The following DSCAML1 variants were observed in gnomAD, a reference collection of about 807,000 sequenced individuals.
DSCAML1 encodes cell adhesion molecule DSCAML1.
A neutral mutation model predicts 200.5 loss-of-function variants in DSCAML1; 38 were observed. The ratio of observed to expected loss-of-function variants is 0.19; its 90% CI spans 0.15 to 0.25. The LOEUF (loss-of-function observed/expected upper bound fraction) is 0.25, where lower values mean the gene tolerates loss of function less well. Ranked by LOEUF, DSCAML1 falls within the 10% of genes least tolerant of loss-of-function variation. The probability of loss-of-function intolerance (pLI) is 1.00; values close to 1 mark genes in which losing one functional copy is unlikely to be tolerated. For synonymous variants in DSCAML1, 1,215 were observed against 1,165.0 expected (o/e 1.04, Z -0.87); for missense variants, 2,223 against 2,858.8 (o/e 0.78, Z 5.07).
intron 3 of DSCAML1, among the ~76,000 whole-genome samples, chr11:117,663,454 C>A (rs1166993982): frequency 1.3e-5 from 2 of 152,054 alleles, no homozygotes; most frequent in Non-Finnish European, 2.9e-5. Context: ...AGCTCTTCCA[C>A]GTGCTGGACT....
intron 3 of DSCAML1, among the ~76,000 whole-genome samples, chr11:117,736,071 A>T (rs1444161516): frequency 6.6e-6 from 1 of 152,152 alleles, no homozygotes; most frequent in Non-Finnish European, 1.5e-5. Flanking sequence ...ACTGCTGCAA[A>T]ACAAATCACC....
intron 3 of DSCAML1, among the ~76,000 whole-genome samples, chr11:117,753,972 C>A (rs2054643788): frequency 1.3e-5 from 2 of 152,166 alleles, no homozygotes; most frequent in South Asian, 4.1e-4. Context: ...AAAGGAGAGT[C>A]TTGGGCCTTA....
intron 3 of DSCAML1, among the ~76,000 whole-genome samples, chr11:117,577,437 TTTCCTTCCTTCCTTCCTTCCTTTCCTTCC>T (rs1449283260): frequency 2.7e-5 from 2 of 73,904 alleles, no homozygotes; most frequent in African/African-American, 4.0e-5. Context: ...TCCTTCCTTC[TTTCCTTCCTTCCTTCCTTCCTTTCCTTCC>T]TTCCTTCCTT....
chr11:117,724,890 G>A (rs2054098417), intron 3 of DSCAML1, among the ~76,000 whole-genome samples: 1 of 152,190 alleles, frequency 6.6e-6, no homozygotes, highest in South Asian at 2.1e-4. Context: ...TGGGGGAAAG[G>A]CCTAGAAGTG....
intron 3 of DSCAML1, among the ~76,000 whole-genome samples, chr11:117,686,634 G>A (rs897363095): frequency 6.6e-6 from 1 of 152,172 alleles, no homozygotes; most frequent in Non-Finnish European, 1.5e-5. Flanking sequence ...AAATGACTAC[G>A]GCACCTTCAA....
intron 5 of DSCAML1, among the ~76,000 whole-genome samples, chr11:117,522,141 C>T (rs1458515138): frequency 2.6e-5 from 4 of 152,242 alleles, no homozygotes; most frequent in Admixed American, 2.6e-4. Context: ...TGTTTCTGGC[C>T]CCAGGGCCTC....
chr11:117,635,046 T>C (rs2052249539), intron 3 of DSCAML1, among the ~76,000 whole-genome samples: 1 of 152,164 alleles, frequency 6.6e-6, no homozygotes. Flanking sequence ...CCATGATAGG[T>C]CGCACAACAG....
rs547635504 is a variant in DSCAML1, at chr11:117,503,826, G to A, written c.2359+19C>T. On this transcript the variant is annotated intron_variant, in intron 11 of 32. Transcript: ENST00000651296. The surrounding 1 kb of genome is among the most constrained non-coding windows in gnomAD (Gnocchi z 5.2). Reference sequence around the variant, plus strand: ...CTGTGATTTGGGGGTGCTAGGGGGCGTGTGGGGACAGGACTCACTCTTGAC... The same window carrying A: ...CTGTGATTTGGGGGTGCTAGGGGGCATGTGGGGACAGGACTCACTCTTGAC... 86 of 1,609,972 alleles carry A rather than the reference G, an allele frequency of 5.3e-5. 1 individual carries two copies. Among genetic ancestry groups the A allele is most frequent in the South Asian group, 7.7e-5 (7 of 90,326 alleles).
intron 3 of DSCAML1, among the ~76,000 whole-genome samples, chr11:117,677,086 A>G (rs983565928): frequency 6.6e-6 from 1 of 152,220 alleles, no homozygotes; most frequent in Admixed American, 6.5e-5. Context: ...AGTAAGTCCA[A>G]GTCTTAGGTT....
chr11:117,517,029 C>A (rs2049784605), intron 7 of DSCAML1, among the ~76,000 whole-genome samples: 1 of 152,138 alleles, frequency 6.6e-6, no homozygotes, highest in Non-Finnish European at 1.5e-5. Flanking sequence ...CCTCGTGGGA[C>A]AGGGATAGGA....
rs140172597 is a variant in DSCAML1 at position 117,482,014 on chromosome 11, C to T, written c.2508G>A (p.Arg836=). 7.4e-6 allele frequency: 12 copies of T among 1,614,180 alleles called. No individual in the cohort carries two copies. In the South Asian group the frequency reaches 7.7e-5, roughly 10 times the overall value. Reference sequence around the variant, plus strand: ...CGTTGTCCTTGGTGGCGATGGCATACCGCATGACGCGGTCAGGGTCGATGA... The same window carrying T: ...CGTTGTCCTTGGTGGCGATGGCATATCGCATGACGCGGTCAGGGTCGATGA... ...DTVIDPDRVM[R]YAIATKDNGD... Residue 836 remains arginine, a synonymous_variant, in exon 12 of 33, where the codon CGG becomes CGA. Transcript: ENST00000651296.
rs115977947 is a variant in DSCAML1, at chr11:117,724,775, A to C, written c.511+52016T>G. Among the ~76,000 whole-genome samples, 743 of 152,252 alleles carry C rather than the reference A, an allele frequency of 4.9e-3. 1 individual carries two copies. The highest frequency in any genetic ancestry group is 0.017 in the African/African-American group (724 of 41,522). On this transcript the variant is annotated intron_variant, in intron 3 of 32. Coordinates refer to ENST00000651296, the MANE Select transcript of DSCAML1 (RefSeq NM_020693.4). ...CCTGAATGCCAGGCCTCTGAGAATCATTGCCCTTCTCCACACCCCCCTGAC... is the reference window on the plus strand; with the variant it reads ...CCTGAATGCCAGGCCTCTGAGAATCCTTGCCCTTCTCCACACCCCCCTGAC...
At chr11:117,776,979 G>A in intron 2 of DSCAML1, 42 bp from the exon 3 acceptor site, 1 of 1,608,702 alleles carries the variant, frequency 6.2e-7, no homozygotes, top group Non-Finnish European at 8.5e-7. Flanking sequence ...AGTGTCACAA[G>A]GATGTGGTGA....
Position 117,532,515 on chromosome 11 carries a change from C to T in DSCAML1, c.519G>A (p.Arg173=). The change falls in exon 4 of 33, where the codon AGG becomes AGA. Residue 173 remains arginine, a synonymous_variant. Coordinates refer to ENST00000651296, the MANE Select transcript of DSCAML1 (RefSeq NM_020693.4). ...GCCCGCCGTGGTAGGTAATAAAAAA[C>T]CTGTGTTCTGGAGACACAATCAGGA... The part of the protein sequence containing the change: ...KDTVSIIPEH[R]FFITYHGGLY... The T allele has an allele frequency of 6.2e-7, 1 of 1,613,608 alleles. No homozygotes were observed. The highest frequency in any genetic ancestry group is 1.1e-5 in the South Asian group (1 of 90,960).
Position 117,505,288 on chromosome 11 carries a change from C to T in DSCAML1, c.2062+166G>A, listed in dbSNP as rs1197544131. ...GCAAGTGTCTCTCTGCTCAGGGCTT[C>T]GGTTTCCTGCCCTGGAAAATAAGAG... On this transcript the variant is annotated intron_variant, in intron 9 of 32. Transcript: ENST00000651296. The surrounding 1 kb of genome is among the most constrained non-coding windows in gnomAD (Gnocchi z 6.7). Among the ~76,000 whole-genome samples, 4 of 152,262 alleles carry T rather than the reference C, an allele frequency of 2.6e-5. No homozygotes were observed. Among genetic ancestry groups the T allele is most frequent in the East Asian group, 1.9e-4 (1 of 5,168 alleles).
intron 29 of DSCAML1, 136 bp from the exon 30 acceptor site, chr11:117,432,640 A>C: frequency 1.2e-5 from 12 of 1,010,708 alleles, no homozygotes; most frequent in South Asian, 1.7e-5. Flanking sequence ...TTTTTGAGAC[A>C]GGGTCTCACT....
intron 3 of DSCAML1, among the ~76,000 whole-genome samples, chr11:117,756,693 T>A (rs2054700098): frequency 6.6e-6 from 1 of 151,810 alleles, no homozygotes; most frequent in Non-Finnish European, 1.5e-5. Flanking sequence ...AAGCCAGTGA[T>A]CAGAAAGAGC....
chr11:117,558,246 G>A lies in DSCAML1; in HGVS notation c.512-25724C>T, dbSNP rs138078367. Reference sequence around the variant, plus strand: ...GCACCTACAGGCACCACAGATCCATGAAATTTCACGAAACGTGAGCAAGTG... The same window carrying A: ...GCACCTACAGGCACCACAGATCCATAAAATTTCACGAAACGTGAGCAAGTG... On this transcript the variant is annotated intron_variant, in intron 3 of 32. Transcript: ENST00000651296. Among the ~76,000 whole-genome samples the A allele has an allele frequency of 8.3e-4, 127 of 152,250 alleles. 1 individual carries two copies. Among genetic ancestry groups the A allele is most frequent in the Admixed American group, 2.9e-3 (45 of 15,300 alleles).
At chr11:117,544,307 G>A (rs952326208) in intron 3 of DSCAML1, among the ~76,000 whole-genome samples, 12 of 152,180 alleles carry the variant, frequency 7.9e-5, no homozygotes, top group African/African-American at 2.7e-4. Flanking sequence ...AAACAGTGTC[G>A]TCAGCCTGCA....
Sources: gnomAD v4.1 joint callset for allele counts (sites outside exome capture counted in the v4.1 genomes callset) on GRCh38, gnomAD v4.1.1 for gene constraint, Gnocchi (gnomAD v3.1) non-coding constraint, MANE v1.5 for transcripts, NCBI Gene and HGNC (gene_info 2026-07-23, HGNC 2026-07-21) for gene names.